Variants in WWC1 observed in about 807,000 individuals in gnomAD.
WWC1 encodes protein KIBRA.
In WWC1, 55 loss-of-function variants were observed where a neutral mutation model predicts 138.4. The observed-to-expected ratio is 0.40, with a 90% confidence interval of 0.32 to 0.50. The LOEUF is 0.50. WWC1 is among the 20% of genes least tolerant of loss of function. The probability of loss-of-function intolerance (pLI) is 0.72; values close to 1 mark genes in which losing one functional copy is unlikely to be tolerated. For missense variants in WWC1, 1,226 were observed against 1,420.4 expected, an observed-to-expected ratio of 0.86 and a Z score of 2.20; for synonymous variants, 524 against 564.9, an observed-to-expected ratio of 0.93 and a Z score of 1.03.
chr5:168,375,515 CAG>C (rs749145170), intron 2 of WWC1, among the ~76,000 whole-genome samples: 4 of 152,168 alleles, frequency 2.6e-5, no homozygotes, highest in South Asian at 4.2e-4. Flanking sequence ...TAAAAGAAAA[CAG>C]GGGAGGAATT....
intron 9 of WWC1, among the ~76,000 whole-genome samples, chr5:168,418,913 G>A (rs1354706417): frequency 2.0e-5 from 3 of 152,128 alleles, no homozygotes; most frequent in African/African-American, 7.2e-5. Flanking sequence ...CCCCACCCCA[G>A]CCTCAGGCAG....
chr5:168,364,948 T>C (rs1275401191), intron 1 of WWC1, among the ~76,000 whole-genome samples: 2 of 152,198 alleles, frequency 1.3e-5, no homozygotes, highest in Non-Finnish European at 2.9e-5. Context: ...GGCTCTGCTG[T>C]GTGTCATGTG....
At position 168,419,328 on chromosome 5, in the gene WWC1, G is replaced by A. The variant is rs149729917; in HGVS notation, c.1185-2680G>A. Among the ~76,000 whole-genome samples the A allele has an allele frequency of 3.5e-4, 52 of 149,080 alleles. No individual in the cohort carries two copies. In the East Asian group the frequency reaches 0.011, roughly 30 times the overall value. ...TCCATGGAAGGTATAATAATATGCA[G>A]GTCTTTCAGCAGAGCTCATAAACTG... is the stretch of plus-strand genomic sequence containing the variant. On this transcript the variant is annotated intron_variant, in intron 9 of 22. Transcript: ENST00000265293.
At chr5:168,395,707 G>A (rs1390687184) in intron 3 of WWC1, among the ~76,000 whole-genome samples, 2 of 152,144 alleles carry the variant, frequency 1.3e-5, no homozygotes, top group Admixed American at 6.5e-5. Context: ...TTGAGACAAA[G>A]GCTACAAGGC....
intron 15 of WWC1, among the ~76,000 whole-genome samples, 168 bp from the exon 16 acceptor site, chr5:168,441,514 C>T (rs1343449347): frequency 6.6e-6 from 1 of 152,110 alleles, no homozygotes; most frequent in Non-Finnish European, 1.5e-5. Context: ...AATGAATGAA[C>T]AAATGAGCTA....
At chr5:168,376,491 T>TCTC (rs1339320662) in intron 2 of WWC1, among the ~76,000 whole-genome samples, 2 of 152,170 alleles carry the variant, frequency 1.3e-5, no homozygotes, top group Non-Finnish European at 2.9e-5. Flanking sequence ...AGTCAAAGTA[T>TCTC]CTCTCTTCGC....
chr5:168,464,882 A>C lies in WWC1; in HGVS notation c.3070A>C (p.Ser1024Arg). 1 of 1,614,202 alleles carries C rather than the reference A, an allele frequency of 6.2e-7. No individual in the cohort carries two copies. The highest frequency in any genetic ancestry group is 1.1e-5 in the South Asian group (1 of 91,076). ...ELKEQLEQAK[S>R]HGEKELPQWL... ...CAAGGAGCAGCTGGAACAAGCCAAG[A>C]GCCACGGGGAGAAGGAGCTGCCACA... Residue 1024 changes from serine (S) to arginine (R), a missense_variant, in exon 21 of 23, where the codon AGC (serine) becomes CGC (arginine). By Grantham distance (110) the Ser-to-Arg change is moderately radical. Coordinates refer to ENST00000265293, the MANE Select transcript of WWC1 (RefSeq NM_015238.3).
At chr5:168,313,274 G>A (rs965078425) in intron 1 of WWC1, among the ~76,000 whole-genome samples, 1 of 152,112 alleles carries the variant, frequency 6.6e-6, no homozygotes, top group Non-Finnish European at 1.5e-5. Context: ...CAGCACGTCA[G>A]CATTGCCTGG....
intron 9 of WWC1, among the ~76,000 whole-genome samples, chr5:168,420,150 C>G (rs867315639): frequency 6.6e-6 from 1 of 152,158 alleles, no homozygotes; most frequent in Non-Finnish European, 1.5e-5. Flanking sequence ...TAAGATGGTG[C>G]GTGAGTCTAC....
rs1381367277 is a variant in WWC1 at position 168,292,903 on chromosome 5, G to C, written c.119+632G>C. On this transcript the variant is annotated intron_variant, in intron 1 of 22. Transcript: ENST00000265293. The surrounding 1 kb of genome is among the most constrained non-coding windows in gnomAD (Gnocchi z 4.4). ...AAGAAGCGGGGGAGGGCAGATGAGGGAGACTGGTTATCCAGGAATCTGGCA... is the reference window on the plus strand; with the variant it reads ...AAGAAGCGGGGGAGGGCAGATGAGGCAGACTGGTTATCCAGGAATCTGGCA... Among the ~76,000 whole-genome samples, 1 of 152,190 alleles carries C rather than the reference G, an allele frequency of 6.6e-6. No individual in the cohort carries two copies. The highest frequency in any genetic ancestry group is 1.5e-5 in the Non-Finnish European group (1 of 68,032).
intron 17 of WWC1, 146 bp from the exon 18 acceptor site, chr5:168,453,822 A>C: frequency 7.0e-7 from 1 of 1,425,682 alleles, no homozygotes; most frequent in Non-Finnish European, 9.2e-7. Context: ...CTGGGATTAC[A>C]GGTGTGAGCC....
At chr5:168,452,736 C>T (rs928359240) in intron 17 of WWC1, among the ~76,000 whole-genome samples, 3 of 151,748 alleles carry the variant, frequency 2.0e-5, no homozygotes, top group African/African-American at 4.8e-5. Context: ...TCCAAATGTT[C>T]ATCAACTAAA....
intron 17 of WWC1, 45 bp downstream of exon 17, chr5:168,444,630 C>T: frequency 6.3e-7 from 1 of 1,599,876 alleles, no homozygotes; most frequent in Non-Finnish European, 8.5e-7. Context: ...CCTGCCTGGA[C>T]CTAGGCCCAG....
chr5:168,299,073 G>A (rs1341094050), intron 1 of WWC1, among the ~76,000 whole-genome samples: 7 of 152,114 alleles, frequency 4.6e-5, no homozygotes, highest in Non-Finnish European at 1.0e-4. Flanking sequence ...CAACAAGGGC[G>A]AAACGCCATC....
chr5:168,458,667 A>G (rs150215787), intron 19 of WWC1, among the ~76,000 whole-genome samples: 1 of 152,260 alleles, frequency 6.6e-6, no homozygotes, highest in East Asian at 1.9e-4. Context: ...TTCCTGAACT[A>G]GCTTCCTGTG....
intron 1 of WWC1, among the ~76,000 whole-genome samples, chr5:168,338,011 T>C (rs983961492): frequency 6.0e-4 from 92 of 152,098 alleles, no homozygotes; most frequent in African/African-American, 2.1e-3. Context: ...GTGCAGTTTG[T>C]TCTAAATGCA....
At chr5:168,397,111 A>G (rs1450482062) in intron 3 of WWC1, among the ~76,000 whole-genome samples, 1 of 151,794 alleles carries the variant, frequency 6.6e-6, no homozygotes, top group East Asian at 1.9e-4. Flanking sequence ...ATGTGTGTGT[A>G]TATTTGGAAA....
At chr5:168,380,279 A>C (rs1357181579) in intron 2 of WWC1, among the ~76,000 whole-genome samples, 2 of 152,114 alleles carry the variant, frequency 1.3e-5, no homozygotes, top group African/African-American at 4.8e-5. Context: ...AGCACAGGGC[A>C]ACACAGTGAG....
At chr5:168,412,776 A>G (rs1780328813) in intron 8 of WWC1, among the ~76,000 whole-genome samples, 1 of 152,244 alleles carries the variant, frequency 6.6e-6, no homozygotes, top group Non-Finnish European at 1.5e-5. Flanking sequence ...ACAACTATTT[A>G]CATAGCATTT....
Sources: allele counts gnomAD v4.1 joint callset (sites outside exome capture counted in the v4.1 genomes callset), GRCh38; gene constraint gnomAD v4.1.1; non-coding constraint Gnocchi (gnomAD v3.1); transcripts MANE v1.5; gene names NCBI Gene and HGNC (gene_info 2026-07-23, HGNC 2026-07-21).